The following AP5S1 variants were observed in gnomAD, a reference collection of about 807,000 sequenced individuals.
AP5S1 encodes the protein AP-5 complex subunit sigma-1.
In AP5S1, 13 loss-of-function variants were observed where a neutral mutation model predicts 13.9. That is an observed-to-expected ratio of 0.94 (90% CI 0.61 to 1.49). AP5S1 has a LOEUF of 1.49. AP5S1 is among the 40% of genes most tolerant of loss of function. The pLI, the probability that AP5S1 is intolerant of heterozygous loss-of-function variation, is 0.00. For missense variants in AP5S1, 292 were observed against 272.3 expected, an observed-to-expected ratio of 1.07 and a Z score of -0.51; for synonymous variants, 132 against 121.8, an observed-to-expected ratio of 1.08 and a Z score of -0.55.
At chr20:3,822,054 C>T (rs1419197832) in intron 1 of AP5S1, 48 bp from the exon 2 acceptor site, 4 of 1,577,564 alleles carry the variant, frequency 2.5e-6, no homozygotes, top group African/African-American at 1.3e-5. Flanking sequence ...GTCGCCTCTC[C>T]TGCTGGGGTT....
chr20:3,820,898 C>T (rs1291823125), intron 1 of AP5S1, 140 bp downstream of exon 1: 7 of 152,174 alleles, frequency 4.6e-5, no homozygotes, highest in African/African-American at 1.7e-4. Flanking sequence ...AGTGCCTTTG[C>T]GAACCTGCTA....
chr20:3,822,183 A>C lies in AP5S1; in HGVS notation c.66A>C (p.Arg22=). 1 of 1,614,054 alleles carries C rather than the reference A, an allele frequency of 6.2e-7. No individual in the cohort carries two copies. Among genetic ancestry groups the C allele is most frequent in the East Asian group, 2.2e-5 (1 of 44,866 alleles). ...ATACTGAGGACACGGGCCTTTGCCG[A>C]GTGCTGTACTCCTGCGTCTTCGGTG... ...APNTEDTGLC[R]VLYSCVFGAE... is the part of the protein sequence containing the mutation. Residue 22 remains arginine, a synonymous_variant, in exon 2 of 3, where the codon CGA becomes CGC. Transcript: ENST00000615891.
rs565499030 is a variant in AP5S1 at position 3,820,573 on chromosome 20, G to A, written c.-202G>A. On this transcript the variant is annotated 5_prime_UTR_variant, in exon 1 of 3. Coordinates refer to ENST00000615891, the MANE Select transcript of AP5S1 (RefSeq NM_018347.3). ...CAGCCGCCATTGCTCTCCTGCCACG[G>A]AGGGGAGCGCTTGGTGGCAGTCCGC... is the stretch of plus-strand genomic sequence containing the variant. 6.6e-6 allele frequency: 1 copy of A among 152,322 alleles called. No homozygotes were observed. The highest frequency in any genetic ancestry group is 1.9e-4 in the East Asian group (1 of 5,174). The allele number at this position is 152,322 out of a possible 1,614,324, so 9.4% of individuals were successfully genotyped here.
rs568876838 is a variant in AP5S1, at chr20:3,821,885, T to C, written c.-16-217T>C. ...TGTTTGTTTTTCTTTTTTCTTTTTT[T>C]TTTTTTTTAGTTTATGCCTATTCTG... On this transcript the variant is annotated intron_variant, in intron 1 of 2. Transcript: ENST00000615891. 39 of 966,204 alleles carry C rather than the reference T, an allele frequency of 4.0e-5. No homozygotes were observed. The East Asian group carries it at 4.6e-4, about 11-fold the overall frequency. The allele number at this position is 966,204 out of a possible 1,614,324, so 59.9% of individuals were successfully genotyped here.
intron 1 of AP5S1, among the ~76,000 whole-genome samples, chr20:3,821,675 C>A (rs967655825): frequency 2.0e-5 from 3 of 152,016 alleles, no homozygotes; most frequent in Non-Finnish European, 4.4e-5. Flanking sequence ...CCCAAATTAC[C>A]CTTTTCTTGG....
rs1288771750 is a variant in AP5S1, at chr20:3,828,124, C to T, written c.*3827C>T. ...TTGTAATGCAGTTAACCGTGTTTGT[C>T]AGATTCAATACTCTGTGACCCGTTA... On this transcript the variant is annotated 3_prime_UTR_variant, in exon 3 of 3. Coordinates refer to ENST00000615891, the MANE Select transcript of AP5S1 (RefSeq NM_018347.3). 2.0e-5 allele frequency: 3 copies of T among 152,140 alleles called. No homozygotes were observed. Among genetic ancestry groups the T allele is most frequent in the Non-Finnish European group, 2.9e-5 (2 of 68,028 alleles). The allele number at this position is 152,140 out of a possible 1,614,324, so 9.4% of individuals were successfully genotyped here.
At chr20:3,822,363 T>G in intron 2 of AP5S1, 70 bp downstream of exon 2, 1 of 1,490,492 alleles carries the variant, frequency 6.7e-7, no homozygotes, top group South Asian at 1.2e-5. Context: ...TTTCGGGGAG[T>G]GGGGACGCAG....
chr20:3,824,093 A>G lies in AP5S1; in HGVS notation c.399A>G (p.Leu133=), dbSNP rs1024347376. The change falls in exon 3 of 3, where the codon CTA becomes CTG. Residue 133 remains leucine, a synonymous_variant. Coordinates refer to ENST00000615891, the MANE Select transcript of AP5S1 (RefSeq NM_018347.3). The part of the protein sequence containing the change: ...ALVLDAHENL[L]LAEGTLRLLT... ...TGCTGGATGCCCATGAGAACCTGCT[A>G]CTGGCTGAGGGCACGCTCCGGCTGC... 13 of 1,613,820 alleles carry G rather than the reference A, an allele frequency of 8.1e-6. No homozygotes were observed. In the African/African-American group the frequency reaches 1.6e-4, roughly 20 times the overall value.
At chr20:3,821,971 G>T in intron 1 of AP5S1, 131 bp from the exon 2 acceptor site, 1 of 1,367,176 alleles carries the variant, frequency 7.3e-7, no homozygotes, top group Non-Finnish European at 9.5e-7. Context: ...TTCAGATGCT[G>T]TTATTCAAAG....
chr20:3,824,345 C>T lies in AP5S1; in HGVS notation c.*48C>T. 1 of 1,549,398 alleles carries T rather than the reference C, an allele frequency of 6.5e-7. No homozygotes were observed. On this transcript the variant is annotated 3_prime_UTR_variant, in exon 3 of 3. Coordinates refer to ENST00000615891, the MANE Select transcript of AP5S1 (RefSeq NM_018347.3). ...TGAGGGCAGGCAGAGGGTAGACACA[C>T]AGCCAGATGAAGCTTGGCATCTCCC...
intron 1 of AP5S1, chr20:3,821,860 T>G: frequency 1.1e-6 from 1 of 948,452 alleles, no homozygotes; most frequent in Non-Finnish European, 1.3e-6. Context: ...TTTGTTTGTT[T>G]GTTTGTTTTT....
At position 3,822,126 on chromosome 20, in the gene AP5S1, C is replaced by T. The variant is rs144486964; in HGVS notation, c.9C>T (p.His3=). 1.0e-4 allele frequency: 163 copies of T among 1,613,580 alleles called. No individual in the cohort carries two copies. The highest frequency in any genetic ancestry group is 1.2e-4 in the Non-Finnish European group (144 of 1,179,906). MV[H]AFLIHTLRAP... ...GCACCCACCCTGGAGCCATGGTCCA[C>T]GCCTTCCTCATTCACACCTTGAGGG... The change falls in exon 2 of 3, where the codon CAC becomes CAT. Residue 3 remains histidine (H), a synonymous_variant. Coordinates refer to ENST00000615891, the MANE Select transcript of AP5S1 (RefSeq NM_018347.3).
intron 2 of AP5S1, 146 bp from the exon 3 acceptor site, chr20:3,823,725 C>A: frequency 6.8e-7 from 1 of 1,471,288 alleles, no homozygotes; most frequent in Non-Finnish European, 8.9e-7. Context: ...GATTCTGTGG[C>A]CCTGGGCAGA....
At chr20:3,820,932 C>G (rs1426234666) in intron 1 of AP5S1, 174 bp downstream of exon 1, 1 of 152,208 alleles carries the variant, frequency 6.6e-6, no homozygotes. Flanking sequence ...AACTGACGGT[C>G]TGTTTAGCCT....
Position 3,822,180 on chromosome 20 carries a change from C to T in AP5S1, c.63C>T (p.Cys21=). ...RAPNTEDTGL[C]RVLYSCVFGA... is the part of the protein sequence containing the mutation. Reference sequence around the variant, plus strand: ...CGAATACTGAGGACACGGGCCTTTGCCGAGTGCTGTACTCCTGCGTCTTCG... The same window carrying T: ...CGAATACTGAGGACACGGGCCTTTGTCGAGTGCTGTACTCCTGCGTCTTCG... The change falls in exon 2 of 3, where the codon TGC becomes TGT. Residue 21 remains cysteine (C), a synonymous_variant. Transcript: ENST00000615891. 6.2e-7 allele frequency: 1 copy of T among 1,614,180 alleles called. No individual in the cohort carries two copies. Among genetic ancestry groups the T allele is most frequent in the Non-Finnish European group, 8.5e-7 (1 of 1,180,022 alleles).
At chr20:3,822,805 C>T (rs2089593950) in intron 2 of AP5S1, among the ~76,000 whole-genome samples, 1 of 152,160 alleles carries the variant, frequency 6.6e-6, no homozygotes, top group South Asian at 2.1e-4. Flanking sequence ...GAATTTCTAA[C>T]GAAGAGAGAG....
chr20:3,823,323 A>G (rs568298241), intron 2 of AP5S1, among the ~76,000 whole-genome samples: 3 of 152,154 alleles, frequency 2.0e-5, no homozygotes, highest in South Asian at 4.1e-4. Context: ...ATCTTGGCTC[A>G]CTGCAACCTC....
At chr20:3,821,297 A>G (rs2089578694) in intron 1 of AP5S1, among the ~76,000 whole-genome samples, 1 of 152,212 alleles carries the variant, frequency 6.6e-6, no homozygotes, top group Admixed American at 6.5e-5. Context: ...TTTCTGACCC[A>G]TAGTCCATAT....
chr20:3,822,064 T>C lies in AP5S1; in HGVS notation c.-16-38T>C, dbSNP rs998284732. On this transcript the variant is annotated intron_variant, in intron 1 of 2. Coordinates refer to ENST00000615891, the MANE Select transcript of AP5S1 (RefSeq NM_018347.3). Reference sequence around the variant, plus strand: ...CTGTGGTCGCCTCTCCTGCTGGGGTTCACTCTCACCTTACCAATGTCTCTG... The same window carrying C: ...CTGTGGTCGCCTCTCCTGCTGGGGTCCACTCTCACCTTACCAATGTCTCTG... The C allele has an allele frequency of 3.8e-6, 6 of 1,589,988 alleles. No individual in the cohort carries two copies. In the African/African-American group the frequency reaches 8.1e-5, roughly 21 times the overall value.
Sources: allele counts gnomAD v4.1 joint callset (sites outside exome capture counted in the v4.1 genomes callset), GRCh38; gene constraint gnomAD v4.1.1; transcripts MANE v1.5; gene names NCBI Gene and HGNC (gene_info 2026-07-23, HGNC 2026-07-21).